ME1: variants seen among roughly 807,000 people sequenced by gnomAD.
ME1 encodes the protein malic enzyme 1.
ME1 carries 74 observed loss-of-function variants against 66.4 expected under a neutral mutation model. The observed-to-expected ratio is 1.11, with a 90% CI of 0.92 to 1.35. The LOEUF (loss-of-function observed/expected upper bound fraction) is 1.35, where lower values mean the gene tolerates loss of function less well. Among genes scored for constraint, ME1 ranks in the 40% most tolerant of loss-of-function variants. The pLI is 0.00. For missense variants in ME1, 750 were observed against 694.1 expected (o/e 1.08, Z -0.90); for synonymous variants, 251 against 235.6 (o/e 1.07, Z -0.60).
chr6:83,430,760 CG>C, intron 1 of ME1, 116 bp downstream of exon 1: 1 of 903,250 alleles, frequency 1.1e-6, no homozygotes. Context: ...GGCCGCTCAC[CG>C]GGAACCTTCC....
chr6:83,272,356 T>C (rs1329767353), intron 6 of ME1, among the ~76,000 whole-genome samples: 1 of 152,146 alleles, frequency 6.6e-6, no homozygotes, highest in African/African-American at 2.4e-5. Context: ...TGAATTTCCA[T>C]ATTGGTGTGT....
At chr6:83,410,824 A>T (rs1770035961) in intron 1 of ME1, among the ~76,000 whole-genome samples, 1 of 152,142 alleles carries the variant, frequency 6.6e-6, no homozygotes, top group South Asian at 2.1e-4. Context: ...TTTAACATAA[A>T]TTTTCCAATG....
intron 1 of ME1, among the ~76,000 whole-genome samples, chr6:83,422,939 T>C (rs537298768): frequency 2.6e-4 from 39 of 151,954 alleles, no homozygotes; most frequent in African/African-American, 8.4e-4. Flanking sequence ...AAAAAAATAT[T>C]TGGAGAAAAT....
intron 9 of ME1, chr6:83,229,334 T>C (rs1790256032): frequency 1.5e-5 from 4 of 272,434 alleles, no homozygotes; most frequent in South Asian, 3.6e-5. Flanking sequence ...TACCAATTTA[T>C]GCTACTGACT....
intron 9 of ME1, among the ~76,000 whole-genome samples, chr6:83,234,180 A>G (rs1790353342): frequency 6.6e-6 from 1 of 152,290 alleles, no homozygotes; most frequent in South Asian, 2.1e-4. Context: ...ATTTTTACAC[A>G]GATTTCAGGT....
chr6:83,390,671 T>G (rs1199277352), intron 3 of ME1, among the ~76,000 whole-genome samples: 1 of 152,114 alleles, frequency 6.6e-6, no homozygotes, highest in East Asian at 1.9e-4. Flanking sequence ...CATACAGAAA[T>G]GGATTTAGAA....
intron 3 of ME1, among the ~76,000 whole-genome samples, chr6:83,398,103 T>G (rs539121913): frequency 3.3e-5 from 5 of 152,288 alleles, no homozygotes; most frequent in Admixed American, 2.6e-4. Context: ...AAGGATAATT[T>G]ATTATATACG....
At chr6:83,237,274 A>AGAAAGAGAGAGAAAGAAAGAAAGGAAG (rs1554262978) in intron 9 of ME1, among the ~76,000 whole-genome samples, 1 of 83,676 alleles carries the variant, frequency 1.2e-5, no homozygotes, top group African/African-American at 5.5e-5. Context: ...AAAGAAAGAA[A>AGAAAGAGAGAGAAAGAAAGAAAGGAAG]GAAAGGAAGG....
At chr6:83,319,205 A>G (rs1768104517) in intron 5 of ME1, among the ~76,000 whole-genome samples, 1 of 151,612 alleles carries the variant, frequency 6.6e-6, no homozygotes, top group South Asian at 2.1e-4. Flanking sequence ...CTAATGCTAG[A>G]TGACGAGTTA....
chr6:83,328,438 A>G (rs1218024443), intron 5 of ME1, among the ~76,000 whole-genome samples: 1 of 152,208 alleles, frequency 6.6e-6, no homozygotes, highest in Non-Finnish European at 1.5e-5. Flanking sequence ...TGTTCTGCAC[A>G]TATATCCCAG....
intron 13 of ME1, among the ~76,000 whole-genome samples, chr6:83,213,404 A>G (rs1392483010): frequency 6.6e-6 from 1 of 152,016 alleles, no homozygotes; most frequent in Non-Finnish European, 1.5e-5. Flanking sequence ...AGCCTGGGCA[A>G]CAAGAGCAAA....
rs999535389 is a variant in ME1 at position 83,346,331 on chromosome 6, T to C, written c.442A>G (p.Ile148Val). Residue 148 changes from isoleucine to valine, a missense_variant, in exon 5 of 14, where the codon ATT (isoleucine) becomes GTT (valine). Transcript: ENST00000369705. ...NAWPEDVIKA[I>V]VVTDGERILG... ...ATACGCTCTCCATCAGTCACCACAA[T>C]GGCCTGGAAGAAAAAGAAAAATTAC... is the stretch of plus-strand genomic sequence containing the variant. 4 of 1,581,152 alleles carry C rather than the reference T, an allele frequency of 2.5e-6. No individual in the cohort carries two copies. The highest frequency in any genetic ancestry group is 1.4e-5 in the African/African-American group (1 of 73,510).
rs1235880788 is a variant in ME1, at chr6:83,346,213, T to A, written c.560A>T (p.Glu187Val). 1.9e-6 allele frequency: 3 copies of A among 1,610,436 alleles called. No homozygotes were observed. The highest frequency in any genetic ancestry group is 1.7e-6 in the Non-Finnish European group (2 of 1,178,022). ...CACATCCAGAATGACAGGCAGACAT[T>A]CTTGAGGATTCATCCCTCCGCAAGC... ...YTACGGMNPQ[E>V]CLPVILDVGT... is the part of the protein sequence containing the mutation. The change falls in exon 5 of 14, where the codon GAA becomes GTA. Residue 187 changes from glutamate to valine, a missense_variant. Transcript: ENST00000369705.
chr6:83,238,297 T>TA (rs1790451144), intron 8 of ME1, among the ~76,000 whole-genome samples: 1 of 152,194 alleles, frequency 6.6e-6, no homozygotes, highest in Non-Finnish European at 1.5e-5. Context: ...CTAATTTGGA[T>TA]ACCAAAAGTG....
chr6:83,232,996 C>A (rs1442106978), intron 9 of ME1, among the ~76,000 whole-genome samples: 1 of 152,070 alleles, frequency 6.6e-6, no homozygotes, highest in Non-Finnish European at 1.5e-5. Context: ...TGAAATCGAT[C>A]CTTCGTAAGG....
chr6:83,230,814 T>G (rs1438752621), intron 9 of ME1, among the ~76,000 whole-genome samples: 3 of 151,972 alleles, frequency 2.0e-5, no homozygotes, highest in Non-Finnish European at 2.9e-5. Flanking sequence ...GAGCCTGTAG[T>G]CCCAGCTACT....
chr6:83,263,887 G>A (rs577391714), intron 6 of ME1, among the ~76,000 whole-genome samples: 1 of 152,224 alleles, frequency 6.6e-6, no homozygotes, highest in East Asian at 1.9e-4. Context: ...GCTGCAGCAA[G>A]TTATCCAGAA....
intron 6 of ME1, among the ~76,000 whole-genome samples, chr6:83,292,515 G>A (rs1285930787): frequency 9.2e-5 from 14 of 152,192 alleles, no homozygotes; most frequent in African/African-American, 9.6e-5. Flanking sequence ...AGAGGCACCC[G>A]CCTGTATGAG....
chr6:83,287,467 T>C (rs779079788), intron 6 of ME1, among the ~76,000 whole-genome samples: 19 of 152,082 alleles, frequency 1.2e-4, no homozygotes, highest in Non-Finnish European at 2.4e-4. Context: ...TCCATGTCCC[T>C]GCAAAGAACA....
Sources: allele counts gnomAD v4.1 joint callset (sites outside exome capture counted in the v4.1 genomes callset), GRCh38; gene constraint gnomAD v4.1.1; transcripts MANE v1.5; gene names NCBI Gene and HGNC (gene_info 2026-07-23, HGNC 2026-07-21).